SLC25A25: variants seen among roughly 807,000 people sequenced by gnomAD.
The protein encoded by SLC25A25 is mitochondrial adenyl nucleotide antiporter SLC25A25.
SLC25A25 carries 32 observed loss-of-function variants against 57.7 expected under a neutral mutation model. That is an observed-to-expected ratio of 0.55 (90% CI 0.42 to 0.74). The LOEUF (loss-of-function observed/expected upper bound fraction) is 0.74, where lower values mean the gene tolerates loss of function less well. Ranked by LOEUF, SLC25A25 falls within the 30% of genes least tolerant of loss-of-function variation. The pLI is 0.00. For synonymous variants in SLC25A25, 306 were observed against 291.2 expected (o/e 1.05, Z -0.52); for missense variants, 556 against 701.3 (o/e 0.79, Z 2.34).
chr9:128,084,830 G>A (rs10739707), intron 1 of SLC25A25, among the ~76,000 whole-genome samples: 112,957 of 151,998 alleles, frequency 0.74, 43,793 homozygotes, highest in Non-Finnish European at 0.85. Context: ...TAGATTCTTA[G>A]AACAGTGGTT....
chr9:128,076,047 TTTTTA>T (rs71381725), intron 1 of SLC25A25, among the ~76,000 whole-genome samples: 10 of 151,486 alleles, frequency 6.6e-5, no homozygotes, highest in African/African-American at 2.2e-4. Context: ...CCCAGCCAAC[TTTTTA>T]TTTTATTTTA....
chr9:128,087,392 G>T (rs2130798064), intron 1 of SLC25A25, among the ~76,000 whole-genome samples: 1 of 152,292 alleles, frequency 6.6e-6, no homozygotes, highest in South Asian at 2.1e-4. Flanking sequence ...CTCCTGAGTA[G>T]CTGGAACTAC....
intron 1 of SLC25A25, chr9:128,091,326 A>C (rs1260410523): frequency 1.7e-6 from 1 of 593,686 alleles, no homozygotes; most frequent in South Asian, 7.3e-5. Flanking sequence ...GGCTTCATGC[A>C]GGCAATCAGC....
chr9:128,106,617 G>A, intron 9 of SLC25A25, 97 bp downstream of exon 9: 1 of 1,411,522 alleles, frequency 7.1e-7, no homozygotes, highest in South Asian at 1.4e-5. Context: ...GCAGGAAACT[G>A]CATCAAAGAC....
chr9:128,075,896 A>G (rs1252462735), intron 1 of SLC25A25, among the ~76,000 whole-genome samples: 2 of 152,188 alleles, frequency 1.3e-5, no homozygotes, highest in Admixed American at 6.5e-5. Context: ...TCACATCCCC[A>G]CAAGGGAATG....
At chr9:128,104,957 G>A (rs1441402426) in intron 6 of SLC25A25, among the ~76,000 whole-genome samples, 2 of 150,334 alleles carry the variant, frequency 1.3e-5, no homozygotes, top group African/African-American at 2.4e-5. Context: ...CTGGGTTCAA[G>A]CAATTCTACA....
At chr9:128,091,802 G>A (rs1047497447) in intron 1 of SLC25A25, 1 of 1,530,946 alleles carries the variant, frequency 6.5e-7, no homozygotes, top group Middle Eastern at 2.4e-4. Context: ...TAGCCAGAGA[G>A]CGTTGGTACT....
At chr9:128,081,307 A>G (rs556006609) in intron 1 of SLC25A25, among the ~76,000 whole-genome samples, 1 of 152,314 alleles carries the variant, frequency 6.6e-6, no homozygotes, top group Admixed American at 6.5e-5. Context: ...GTTGAGTCAG[A>G]TCATCTCAGT....
intron 1 of SLC25A25, among the ~76,000 whole-genome samples, chr9:128,070,881 C>T (rs1426969233): frequency 2.2e-5 from 3 of 136,728 alleles, no homozygotes; most frequent in Admixed American, 1.7e-4. Flanking sequence ...ACCCGGGAGG[C>T]GGAGATTGCG....
chr9:128,089,494 T>G (rs935172806), intron 1 of SLC25A25, among the ~76,000 whole-genome samples: 4 of 152,278 alleles, frequency 2.6e-5, no homozygotes, highest in African/African-American at 9.6e-5. Flanking sequence ...CTCCAGTGAC[T>G]GTGCATTTAA....
At chr9:128,083,722 GT>G (rs1419842805) in intron 1 of SLC25A25, among the ~76,000 whole-genome samples, 1 of 146,784 alleles carries the variant, frequency 6.8e-6, no homozygotes, top group African/African-American at 2.5e-5. Context: ...GTTTCACCGT[GT>G]TAGCCAGGAT....
intron 1 of SLC25A25, among the ~76,000 whole-genome samples, chr9:128,092,449 G>A (rs575451917): frequency 7.9e-5 from 12 of 152,278 alleles, no homozygotes; most frequent in Non-Finnish European, 1.6e-4. Flanking sequence ...CTAAAGGGGC[G>A]AGAGAGTGTG....
intron 1 of SLC25A25, among the ~76,000 whole-genome samples, chr9:128,075,786 G>A (rs1465870769): frequency 1.3e-5 from 2 of 152,174 alleles, no homozygotes; most frequent in African/African-American, 2.4e-5. Context: ...GGAGGTTGCA[G>A]TGAGCCGAGA....
chr9:128,077,516 T>TAAAAAAAAA (rs567869070), intron 1 of SLC25A25, among the ~76,000 whole-genome samples: 28 of 100,326 alleles, frequency 2.8e-4, no homozygotes, highest in African/African-American at 1.3e-3. Context: ...GACTCCGTCT[T>TAAAAAAAAA]AAAAAAAAAA....
At chr9:128,093,484 C>T (rs372287833) in intron 1 of SLC25A25, among the ~76,000 whole-genome samples, 1 of 152,362 alleles carries the variant, frequency 6.6e-6, no homozygotes, top group African/African-American at 2.4e-5. Context: ...GCTCTCCCCC[C>T]AGGGACTGCC....
At chr9:128,078,067 G>A (rs989592265) in intron 1 of SLC25A25, among the ~76,000 whole-genome samples, 24 of 151,322 alleles carry the variant, frequency 1.6e-4, no homozygotes, top group Non-Finnish European at 2.8e-4. Context: ...TGAGACCTGG[G>A]TTCAAATGTT....
chr9:128,091,929 G>A, intron 1 of SLC25A25: 1 of 1,613,688 alleles, frequency 6.2e-7, no homozygotes. Context: ...GGGTGCCACG[G>A]CTCCAGAGAG....
intron 1 of SLC25A25, among the ~76,000 whole-genome samples, chr9:128,071,622 G>T (rs990866452): frequency 1.3e-5 from 2 of 149,788 alleles, no homozygotes; most frequent in African/African-American, 4.9e-5. Context: ...ATGTTGGCCA[G>T]GCTGGTCTCA....
At chr9:128,071,345 G>A (rs1832903970) in intron 1 of SLC25A25, among the ~76,000 whole-genome samples, 3 of 152,118 alleles carry the variant, frequency 2.0e-5, no homozygotes, top group African/African-American at 7.2e-5. Flanking sequence ...ATGATAGGAA[G>A]CATTTCTTTA....
Sources: gnomAD v4.1 joint callset for allele counts (sites outside exome capture counted in the v4.1 genomes callset) on GRCh38, gnomAD v4.1.1 for gene constraint, MANE v1.5 for transcripts, NCBI Gene and HGNC (gene_info 2026-07-23, HGNC 2026-07-21) for gene names.